RELN: variants seen among roughly 807,000 people sequenced by gnomAD.
RELN encodes the protein reelin.
In RELN, 108 loss-of-function variants were observed where a neutral mutation model predicts 427.6. The observed-to-expected ratio is 0.25, with a 90% CI of 0.22 to 0.30. The LOEUF is 0.30. RELN is among the 10% of genes least tolerant of loss of function. The probability of loss-of-function intolerance (pLI) is 1.00; values close to 1 mark genes in which losing one functional copy is unlikely to be tolerated. For synonymous variants in RELN, 1,524 were observed against 1,513.4 expected, an observed-to-expected ratio of 1.01 and a Z score of -0.16; for missense variants, 3,715 against 4,302.8, an observed-to-expected ratio of 0.86 and a Z score of 3.82.
chr7:103,634,775 T>G (rs773299427), intron 19 of RELN, among the ~76,000 whole-genome samples: 1 of 152,056 alleles, frequency 6.6e-6, no homozygotes, highest in Admixed American at 6.6e-5. Context: ...CTAGTATTTA[T>G]CAATAGCATT....
intron 4 of RELN, among the ~76,000 whole-genome samples, chr7:103,757,571 A>G (rs1584469198): frequency 6.6e-6 from 1 of 152,302 alleles, no homozygotes; most frequent in East Asian, 1.9e-4. Flanking sequence ...GAATGAGAAA[A>G]AACAGAAATG....
chr7:103,600,413 T>C (rs1487224900), intron 24 of RELN, among the ~76,000 whole-genome samples: 1 of 152,162 alleles, frequency 6.6e-6, no homozygotes, highest in Non-Finnish European at 1.5e-5. Context: ...CCAGGAGTCT[T>C]CCCTGTTTTT....
In RELN at chr7:103,507,637, G is replaced by A. The variant is rs1829259407; in HGVS notation, c.8274+3214C>T. Reference sequence around the variant, plus strand: ...AATTAAAAGAACTAGAGAAGCAGGAGCAAACACATTCAAAAGCTAGCAGAA... The same window carrying A: ...AATTAAAAGAACTAGAGAAGCAGGAACAAACACATTCAAAAGCTAGCAGAA... On this transcript the variant is annotated intron_variant, in intron 51 of 64. Coordinates refer to ENST00000428762, the MANE Select transcript of RELN (RefSeq NM_005045.4). 2.0e-5 allele frequency among the ~76,000 whole-genome samples: 3 copies of A among 152,064 alleles called. No individual in the cohort carries two copies. The South Asian group carries it at 6.2e-4, about 32-fold the overall frequency.
intron 2 of RELN, among the ~76,000 whole-genome samples, chr7:103,880,246 T>C (rs1794575752): frequency 6.6e-6 from 1 of 152,058 alleles, no homozygotes; most frequent in Non-Finnish European, 1.5e-5. Context: ...ATTCTTGGTG[T>C]AATTTATTAG....
chr7:103,783,595 G>A (rs914269181), intron 3 of RELN, among the ~76,000 whole-genome samples: 1 of 151,996 alleles, frequency 6.6e-6, no homozygotes, highest in African/African-American at 2.4e-5. Flanking sequence ...CAGTATTAAT[G>A]TTCATTATCC....
chr7:103,944,639 T>A (rs975380415), intron 1 of RELN, among the ~76,000 whole-genome samples: 1 of 152,136 alleles, frequency 6.6e-6, no homozygotes, highest in Non-Finnish European at 1.5e-5. Context: ...TCTTGTCTCT[T>A]GAAATTGAAT....
At chr7:103,843,174 C>T (rs1373079058) in intron 2 of RELN, among the ~76,000 whole-genome samples, 1 of 152,004 alleles carries the variant, frequency 6.6e-6, no homozygotes, top group East Asian at 1.9e-4. Context: ...ATTATCATTC[C>T]CATTTTAAAG....
At chr7:103,599,183 A>G (rs926388186) in intron 24 of RELN, among the ~76,000 whole-genome samples, 5 of 152,230 alleles carry the variant, frequency 3.3e-5, no homozygotes, top group African/African-American at 1.2e-4. Flanking sequence ...GTCACTAGAA[A>G]GCAATTCTAT....
chr7:103,623,584 A>G lies in RELN; in HGVS notation c.2702+6356T>C, dbSNP rs930593347. On this transcript the variant is annotated intron_variant, in intron 20 of 64. Transcript: ENST00000428762. The stretch of plus-strand genomic sequence containing the variant: ...TGTTTACCAACAACACAATCCTTAC[A>G]TTAGTATCAGGCAAACACTGACTAG... 4.6e-5 allele frequency among the ~76,000 whole-genome samples: 7 copies of G among 152,212 alleles called. No individual in the cohort carries two copies. The East Asian group carries it at 1.3e-3, about 29-fold the overall frequency.
intron 3 of RELN, among the ~76,000 whole-genome samples, chr7:103,806,969 T>C (rs1389444693): frequency 6.6e-6 from 1 of 152,118 alleles, no homozygotes; most frequent in Non-Finnish European, 1.5e-5. Context: ...TTCAAGTCAA[T>C]GGCTTTACAG....
intron 3 of RELN, among the ~76,000 whole-genome samples, chr7:103,811,489 C>T (rs80330075): frequency 0.011 from 1,703 of 152,248 alleles, 29 homozygotes; most frequent in African/African-American, 0.039. Context: ...GTTGCAGAGC[C>T]GTGTCGCTGT....
chr7:103,987,197 ATTTGACC>A (rs1418729661), intron 1 of RELN, among the ~76,000 whole-genome samples: 1 of 152,206 alleles, frequency 6.6e-6, no homozygotes, highest in Non-Finnish European at 1.5e-5. Flanking sequence ...GCTTATAATA[ATTTGACC>A]TTTCATAACT....
intron 1 of RELN, among the ~76,000 whole-genome samples, chr7:103,928,453 A>G (rs1009412770): frequency 1.3e-5 from 2 of 152,218 alleles, no homozygotes; most frequent in African/African-American, 4.8e-5. Context: ...GAATCAGCAT[A>G]TTTAACAATG....
At chr7:103,590,138 T>C (rs541025117) in intron 27 of RELN, among the ~76,000 whole-genome samples, 26 of 152,308 alleles carry the variant, frequency 1.7e-4, no homozygotes, top group African/African-American at 5.5e-4. Context: ...AAGAAGCTGC[T>C]TTTTTCTCCC....
At chr7:103,949,710 T>C (rs1421292575) in intron 1 of RELN, among the ~76,000 whole-genome samples, 1 of 152,216 alleles carries the variant, frequency 6.6e-6, no homozygotes, top group African/African-American at 2.4e-5. Context: ...GAGATAATGA[T>C]ATCCTATATT....
intron 3 of RELN, among the ~76,000 whole-genome samples, chr7:103,798,329 G>A (rs1792360571): frequency 6.6e-6 from 1 of 152,190 alleles, no homozygotes; most frequent in South Asian, 2.1e-4. Flanking sequence ...ATAGTATTAA[G>A]ATCTTTGGCA....
intron 4 of RELN, among the ~76,000 whole-genome samples, chr7:103,771,050 G>A (rs1434786284): frequency 6.6e-6 from 1 of 151,406 alleles, no homozygotes; most frequent in Non-Finnish European, 1.5e-5. Context: ...GGAGTAGCTG[G>A]GACTACAGGC....
chr7:103,604,448 T>C lies in RELN; in HGVS notation c.3044A>G (p.Tyr1015Cys), dbSNP rs1831765058. ...AGCCCACTCGTCTTGAGCTGTGTAA[T>C]AGCTCTGGCTCCAGCGGAAACGGGT... is the stretch of plus-strand genomic sequence containing the variant. ...SATRFRWSQSYYTAQDEWALD... is the reference protein window; with the variant it reads ...SATRFRWSQSCYTAQDEWALD... The change falls in exon 23 of 65, where the codon TAT becomes TGT. Residue 1015 changes from tyrosine to cysteine, a missense_variant. Around this residue, in one of 4 missense-constraint regions of RELN, gnomAD observed 2,208 missense variants for 2,361.7 expected, o/e 0.93. Coordinates refer to ENST00000428762, the MANE Select transcript of RELN (RefSeq NM_005045.4). 6.2e-7 allele frequency: 1 copy of C among 1,613,852 alleles called. No homozygotes were observed. The highest frequency in any genetic ancestry group is 8.5e-7 in the Non-Finnish European group (1 of 1,179,790).
intron 12 of RELN, among the ~76,000 whole-genome samples, chr7:103,656,037 A>G (rs1229382963): frequency 6.6e-6 from 1 of 151,926 alleles, no homozygotes; most frequent in Admixed American, 6.6e-5. Context: ...AAGAAAACTC[A>G]TTTTCTGAAT....
Sources: gnomAD v4.1 joint callset for allele counts (sites outside exome capture counted in the v4.1 genomes callset) on GRCh38, gnomAD v4.1.1 for gene constraint, gnomAD v4.1.1 regional missense constraint, MANE v1.5 for transcripts, NCBI Gene and HGNC (gene_info 2026-07-23, HGNC 2026-07-21) for gene names.